PLCE1: variants seen among roughly 807,000 people sequenced by gnomAD.
PLCE1 encodes phospholipase C epsilon 1.
In PLCE1, 119 loss-of-function variants were observed where a neutral mutation model predicts 242.8. The ratio of observed to expected loss-of-function variants is 0.49; its 90% CI spans 0.42 to 0.57. The LOEUF is 0.57. Among genes scored for constraint, PLCE1 ranks in the 20% least tolerant of loss-of-function variants. The pLI, the probability that PLCE1 is intolerant of heterozygous loss-of-function variation, is 0.00. For synonymous variants in PLCE1, 945 were observed against 1,017.4 expected (o/e 0.93, Z 1.35); for missense variants, 2,441 against 2,788.8 (o/e 0.88, Z 2.81).
Position 94,033,902 on chromosome 10 carries a change from TTCA to T in PLCE1, c.1206+1673_1206+1675del, listed in dbSNP as rs531576312. Among the ~76,000 whole-genome samples, 875 of 151,996 alleles carry T rather than the reference TTCA, an allele frequency of 5.8e-3. 5 individuals are homozygous for T. The highest frequency in any genetic ancestry group is 9.6e-3 in the Non-Finnish European group (649 of 67,928). On this transcript the variant is annotated intron_variant, in intron 2 of 32. Coordinates refer to ENST00000371380, the MANE Select transcript of PLCE1 (RefSeq NM_016341.4). ...GAAATATAAGTGCTATATTTTTACT[TTCA>T]TCATCATCATCATCATCATCATTGT...
chr10:94,314,802 T>C (rs1342257414), intron 28 of PLCE1: 1 of 152,256 alleles, frequency 6.6e-6, no homozygotes, highest in Non-Finnish European at 1.5e-5. Flanking sequence ...CACATCTCTA[T>C]AGACAGGCTA....
chr10:94,123,226 T>G (rs2046347227), intron 2 of PLCE1, among the ~76,000 whole-genome samples: 1 of 152,176 alleles, frequency 6.6e-6, no homozygotes, highest in South Asian at 2.1e-4. Context: ...GGATGTGGAT[T>G]GGAAGAAGTT....
At chr10:94,117,450 G>A (rs1451394684) in intron 2 of PLCE1, among the ~76,000 whole-genome samples, 1 of 152,122 alleles carries the variant, frequency 6.6e-6, no homozygotes, top group Non-Finnish European at 1.5e-5. Flanking sequence ...CTTCCCTATA[G>A]CCTACCCAGC....
At chr10:94,161,048 C>T (rs1564743775) in intron 3 of PLCE1, among the ~76,000 whole-genome samples, 1 of 152,162 alleles carries the variant, frequency 6.6e-6, no homozygotes, top group Non-Finnish European at 1.5e-5. Context: ...TGTGATGCCT[C>T]CAGCTTTGTT....
At chr10:94,054,690 A>G (rs1482720919) in intron 2 of PLCE1, among the ~76,000 whole-genome samples, 2 of 152,212 alleles carry the variant, frequency 1.3e-5, no homozygotes, top group Non-Finnish European at 2.9e-5. Context: ...ATACAAAGTA[A>G]TCACCCAAAT....
chr10:94,101,066 C>T (rs1375453748), intron 2 of PLCE1, among the ~76,000 whole-genome samples: 1 of 152,108 alleles, frequency 6.6e-6, no homozygotes, highest in East Asian at 1.9e-4. Context: ...TCCACAGGCC[C>T]CTCAGAGCTC....
At chr10:94,059,014 A>G (rs1222320676) in intron 2 of PLCE1, among the ~76,000 whole-genome samples, 1 of 152,154 alleles carries the variant, frequency 6.6e-6, no homozygotes, top group East Asian at 1.9e-4. Context: ...GATCTGTCTA[A>G]ATGACAGTCA....
intron 2 of PLCE1, among the ~76,000 whole-genome samples, chr10:94,062,405 C>T (rs1250644464): frequency 6.6e-6 from 1 of 152,030 alleles, no homozygotes; most frequent in Non-Finnish European, 1.5e-5. Flanking sequence ...AATCCTCCTG[C>T]CTCAATCTCC....
intron 11 of PLCE1, 61 bp downstream of exon 11, chr10:94,255,110 G>T: frequency 1.3e-6 from 2 of 1,558,956 alleles, no homozygotes; most frequent in Non-Finnish European, 1.8e-6. Flanking sequence ...GTGTGGAAGG[G>T]CATATCTTTA....
At chr10:94,286,570 C>A (rs1398938894) in intron 22 of PLCE1, among the ~76,000 whole-genome samples, 2 of 152,068 alleles carry the variant, frequency 1.3e-5, no homozygotes, top group African/African-American at 2.4e-5. Context: ...TGATAAAAAT[C>A]ATATATTTCA....
At chr10:94,232,842 C>T (rs542664816) in intron 5 of PLCE1, among the ~76,000 whole-genome samples, 101 of 152,344 alleles carry the variant, frequency 6.6e-4, no homozygotes, top group African/African-American at 2.3e-3. Context: ...GGAATCCTCT[C>T]TCCCTTTGCC....
chr10:94,276,236 C>T (rs1273377550), intron 19 of PLCE1, among the ~76,000 whole-genome samples: 1 of 152,116 alleles, frequency 6.6e-6, no homozygotes, highest in Non-Finnish European at 1.5e-5. Context: ...CCTGCATTTC[C>T]CAGAGTGTGC....
chr10:94,145,501 G>A (rs72812702), intron 3 of PLCE1, among the ~76,000 whole-genome samples: 75 of 152,264 alleles, frequency 4.9e-4, no homozygotes, highest in East Asian at 4.4e-3. Flanking sequence ...TCCAAGCCAC[G>A]TGTGTTTTTC....
intron 2 of PLCE1, among the ~76,000 whole-genome samples, chr10:94,077,792 G>C (rs12261311): frequency 6.6e-6 from 1 of 151,984 alleles, no homozygotes; most frequent in Non-Finnish European, 1.5e-5. Flanking sequence ...CAAAAAAACA[G>C]TGTTGGAATA....
chr10:94,031,620 G>T lies in PLCE1; in HGVS notation c.574G>T (p.Glu192Ter). The change falls in exon 2 of 33, where the codon GAA becomes TAA. Residue 192 changes from glutamate (E) to a stop codon, truncating the protein, a stop_gained. Transcript: ENST00000371380. LOFTEE classifies it high-confidence loss of function. ...SRRAVFHFHY[E>*]VDRRMSDTFC... is the part of the protein sequence containing the mutation. The stretch of plus-strand genomic sequence containing the variant: ...AAGGGCAGTATTTCATTTTCATTAT[G>T]AAGTTGACAGAAGAATGTCAGACAC... The T allele has an allele frequency of 2.5e-6, 4 of 1,613,506 alleles. No homozygotes were observed. Among genetic ancestry groups the T allele is most frequent in the Non-Finnish European group, 3.4e-6 (4 of 1,179,780 alleles).
chr10:94,294,513 A>G (rs935158134), intron 23 of PLCE1, among the ~76,000 whole-genome samples: 1 of 152,188 alleles, frequency 6.6e-6, no homozygotes, highest in Non-Finnish European at 1.5e-5. Flanking sequence ...GACCACTACA[A>G]TAAAGTGAAT....
chr10:94,119,719 C>T (rs966920409), intron 2 of PLCE1, among the ~76,000 whole-genome samples: 2 of 152,148 alleles, frequency 1.3e-5, no homozygotes, highest in African/African-American at 4.8e-5. Flanking sequence ...GAATTTTATG[C>T]TGTAATACAA....
chr10:94,047,025 C>T (rs764143076), intron 2 of PLCE1, among the ~76,000 whole-genome samples: 3 of 151,920 alleles, frequency 2.0e-5, no homozygotes, highest in Non-Finnish European at 4.4e-5. Flanking sequence ...AAATAAAAAA[C>T]CTTTTAAAAA....
intron 3 of PLCE1, among the ~76,000 whole-genome samples, chr10:94,144,709 T>C (rs1001155056): frequency 4.6e-5 from 7 of 152,042 alleles, no homozygotes; most frequent in Admixed American, 1.3e-4. Flanking sequence ...AGCAATCATA[T>C]GTGCAAAGGC....
Sources: allele counts gnomAD v4.1 joint callset (sites outside exome capture counted in the v4.1 genomes callset), GRCh38; gene constraint gnomAD v4.1.1; transcripts MANE v1.5; gene names NCBI Gene and HGNC (gene_info 2026-07-23, HGNC 2026-07-21).